The following UPP2 variants were observed in gnomAD, a reference collection of about 807,000 sequenced individuals.
UPP2 encodes the protein UPase 2.
In UPP2, 23 loss-of-function variants were observed where a neutral mutation model predicts 26.7. That is an observed-to-expected ratio of 0.86 (90% CI 0.62 to 1.22). The LOEUF is 1.22. UPP2 is among the 50% of genes most tolerant of loss of function. The probability of loss-of-function intolerance (pLI) is 0.00; values close to 1 mark genes in which losing one functional copy is unlikely to be tolerated. For missense variants in UPP2, 387 were observed against 396.7 expected (o/e 0.98, Z 0.21); for synonymous variants, 127 against 141.3 (o/e 0.90, Z 0.72).
At chr2:158,084,335 A>G (rs1682779267) in intron 3 of UPP2, among the ~76,000 whole-genome samples, 1 of 151,542 alleles carries the variant, frequency 6.6e-6, no homozygotes, top group East Asian at 1.9e-4. Context: ...ATGTCCTTAG[A>G]CCACTTTTTG....
intron 4 of UPP2, 46 bp from the exon 5 acceptor site, chr2:158,121,363 A>G: frequency 6.5e-7 from 1 of 1,549,734 alleles, no homozygotes; most frequent in Non-Finnish European, 8.9e-7. Context: ...GTCAAAAGTA[A>G]ACTCTAAACG....
intron 3 of UPP2, among the ~76,000 whole-genome samples, chr2:158,034,096 A>G (rs1298158190): frequency 6.6e-6 from 1 of 151,542 alleles, no homozygotes; most frequent in Non-Finnish European, 1.5e-5. Context: ...AGCTAGCTGT[A>G]TGTTCAGTCT....
In UPP2 at chr2:158,074,550, C is replaced by T. The variant is rs542376989; in HGVS notation, c.148-27490C>T. Among the ~76,000 whole-genome samples the T allele has an allele frequency of 2.6e-5, 4 of 151,922 alleles. No individual in the cohort carries two copies. In the South Asian group the frequency reaches 8.3e-4, roughly 32 times the overall value. ...CGGGTTATATGACAGTATTTACAGG[C>T]TTCATGATAACTTCAAATTTAAAAA... On this transcript the variant is annotated intron_variant, in intron 3 of 9. Coordinates refer to the UPP2 transcript ENST00000605860.
intron 2 of UPP2, among the ~76,000 whole-genome samples, chr2:157,998,568 C>A (rs1683359372): frequency 6.6e-6 from 1 of 152,082 alleles, no homozygotes; most frequent in Non-Finnish European, 1.5e-5. Context: ...TTGAGAGGCC[C>A]AGGTGGCTGG....
intron 3 of UPP2, among the ~76,000 whole-genome samples, chr2:158,058,064 C>G (rs573909161): frequency 6.6e-6 from 1 of 152,020 alleles, no homozygotes; most frequent in African/African-American, 2.4e-5. Flanking sequence ...GAGGCCAAGG[C>G]GGGCGGATCA....
At chr2:158,118,336 A>G (rs1325863159) in intron 4 of UPP2, among the ~76,000 whole-genome samples, 1 of 152,006 alleles carries the variant, frequency 6.6e-6, no homozygotes, top group Non-Finnish European at 1.5e-5. Flanking sequence ...TAAGTGAGCA[A>G]ACTGCAAAGC....
At chr2:158,006,435 C>A (rs1368496710) in intron 2 of UPP2, among the ~76,000 whole-genome samples, 3 of 144,146 alleles carry the variant, frequency 2.1e-5, no homozygotes, top group Admixed American at 7.4e-5. Flanking sequence ...CGAGATCGTA[C>A]CGCTGCACTC....
At position 158,003,409 on chromosome 2, in the gene UPP2, C is replaced by G. The variant is rs115895608; in HGVS notation, c.61+8150C>G. ...CACATTATTTGGGAGAATAAATATA[C>G]ATATAGAAAGAGAGCCAGCTGGGCA... On this transcript the variant is annotated intron_variant, in intron 2 of 9. Transcript: ENST00000605860. Among the ~76,000 whole-genome samples the G allele has an allele frequency of 8.1e-3, 1,232 of 152,116 alleles. 20 individuals carry two copies. The highest frequency in any genetic ancestry group is 0.028 in the African/African-American group (1,164 of 41,500).
At chr2:158,074,454 T>G (rs1682593941) in intron 3 of UPP2, among the ~76,000 whole-genome samples, 1 of 152,162 alleles carries the variant, frequency 6.6e-6, no homozygotes, top group African/African-American at 2.4e-5. Flanking sequence ...AGAGTTTTTA[T>G]TAGTTTTTTT....
At chr2:158,005,308 A>G (rs752484598) in intron 2 of UPP2, among the ~76,000 whole-genome samples, 17 of 152,244 alleles carry the variant, frequency 1.1e-4, no homozygotes, top group Non-Finnish European at 2.2e-4. Flanking sequence ...TTGACCTTGC[A>G]AGCCATGCTA....
chr2:158,031,868 C>T (rs567958320), intron 3 of UPP2, among the ~76,000 whole-genome samples: 23 of 152,176 alleles, frequency 1.5e-4, no homozygotes, highest in Admixed American at 1.3e-3. Context: ...GCAATTTCCT[C>T]GTGTTTTAAA....
At position 158,055,271 on chromosome 2, in the gene UPP2, C is replaced by T. The variant is rs543387727; in HGVS notation, c.147+39385C>T. 1.4e-4 allele frequency among the ~76,000 whole-genome samples: 21 copies of T among 152,214 alleles called. No individual in the cohort carries two copies. The South Asian group carries it at 1.9e-3, about 14-fold the overall frequency. ...CTGGTTCGGGTCTCTTTTATAAAGCCACCAGTTTCCCTCTCAGGATAACAC... is the reference window on the plus strand; with the variant it reads ...CTGGTTCGGGTCTCTTTTATAAAGCTACCAGTTTCCCTCTCAGGATAACAC... On this transcript the variant is annotated intron_variant, in intron 3 of 9. Coordinates refer to the UPP2 transcript ENST00000605860.
At chr2:158,028,257 G>T (rs1415620562) in intron 3 of UPP2, among the ~76,000 whole-genome samples, 2 of 152,130 alleles carry the variant, frequency 1.3e-5, no homozygotes, top group East Asian at 3.9e-4. Context: ...TAACACTCAA[G>T]TCATCTCTTG....
chr2:158,105,352 G>C (rs1161143510), intron 1 of UPP2, among the ~76,000 whole-genome samples: 1 of 152,152 alleles, frequency 6.6e-6, no homozygotes, highest in African/African-American at 2.4e-5. Flanking sequence ...ATGGGGGTTT[G>C]AGCCAGGGCC....
At position 158,081,526 on chromosome 2, in the gene UPP2, T is replaced by C. The variant is rs186485033; in HGVS notation, c.148-20514T>C. Among the ~76,000 whole-genome samples the C allele has an allele frequency of 1.5e-4, 23 of 152,298 alleles. No individual in the cohort carries two copies. In the East Asian group the frequency reaches 3.7e-3, roughly 24 times the overall value. Reference sequence around the variant, plus strand: ...AGAGATAGCTGCACTCCCATGTTTATTGCAGCACTGTTCATAATAGCCAAG... The same window carrying C: ...AGAGATAGCTGCACTCCCATGTTTACTGCAGCACTGTTCATAATAGCCAAG... On this transcript the variant is annotated intron_variant, in intron 3 of 9. Coordinates refer to the UPP2 transcript ENST00000605860.
intron 3 of UPP2, among the ~76,000 whole-genome samples, chr2:158,054,425 G>T (rs1432045829): frequency 1.2e-4 from 18 of 148,836 alleles, no homozygotes; most frequent in Non-Finnish European, 1.5e-5. Context: ...TGTAGAGAAA[G>T]AAGGAAGTGA....
chr2:158,130,465 A>AC (rs201808012), intron 6 of UPP2, among the ~76,000 whole-genome samples: 89,405 of 148,304 alleles, frequency 0.6, 27,198 homozygotes, highest in Middle Eastern at 0.65. Flanking sequence ...AAAAAAACAA[A>AC]AAAAAAAAAC....
chr2:158,035,338 G>C (rs1165738609), intron 3 of UPP2, among the ~76,000 whole-genome samples: 2 of 151,994 alleles, frequency 1.3e-5, no homozygotes, highest in Non-Finnish European at 2.9e-5. Context: ...TGTATTTTTA[G>C]TGGATACGGG....
At chr2:158,124,036 T>A (rs1683635638) in intron 6 of UPP2, 141 bp downstream of exon 6, 1 of 863,602 alleles carries the variant, frequency 1.2e-6, no homozygotes, top group African/African-American at 1.7e-5. Context: ...ATATACATTA[T>A]CTCATAATAT....
Sources: allele counts gnomAD v4.1 joint callset (sites outside exome capture counted in the v4.1 genomes callset), GRCh38; gene constraint gnomAD v4.1.1; transcripts MANE v1.5; gene names NCBI Gene and HGNC (gene_info 2026-07-23, HGNC 2026-07-21).